ZNF124: variants seen among roughly 807,000 people sequenced by gnomAD.
ZNF124 encodes zinc finger protein 124, also known as zinc finger protein HZF-16.
A neutral mutation model predicts 26.6 loss-of-function variants in ZNF124; 25 were observed. That is an observed-to-expected ratio of 0.94 (90% confidence interval 0.68 to 1.31). ZNF124 has a LOEUF of 1.31. Ranked by LOEUF, ZNF124 falls within the 40% of genes most tolerant of loss-of-function variation. The pLI, the probability that ZNF124 is intolerant of heterozygous loss-of-function variation, is 0.00. For missense variants in ZNF124, 444 were observed against 422.2 expected, an observed-to-expected ratio of 1.05 and a Z score of -0.45; for synonymous variants, 129 against 133.3, an observed-to-expected ratio of 0.97 and a Z score of 0.22.
Position 247,156,115 on chromosome 1 carries a change from A to C in ZNF124, c.*451T>G, listed in dbSNP as rs1022433371. ...CACATGACCTTTAAAGTAATTGTTA[A>C]AATTCAGAATTTTCTGTATTTCTAG... On this transcript the variant is annotated 3_prime_UTR_variant, in exon 4 of 4. Coordinates refer to ENST00000543802, the MANE Select transcript of ZNF124 (RefSeq NM_001297568.2). The C allele has an allele frequency of 2.2e-5, 22 of 985,516 alleles. No homozygotes were observed. Among genetic ancestry groups the C allele is most frequent in the Middle Eastern group, 1.0e-3 (2 of 1,940 alleles). 61.0% of individuals were successfully genotyped at this position (985,516 alleles called of 1,614,324 possible).
chr1:247,148,226 G>C (rs1330545139), intron 3 of ZNF124, among the ~76,000 whole-genome samples: 1 of 152,150 alleles, frequency 6.6e-6, no homozygotes, highest in African/African-American at 2.4e-5. Flanking sequence ...GTTGGCGAGT[G>C]GAGGGATCTT....
intron 1 of ZNF124, among the ~76,000 whole-genome samples, chr1:247,163,711 G>A (rs957392683): frequency 1.5e-4 from 23 of 152,110 alleles, no homozygotes; most frequent in Admixed American, 1.2e-3. Context: ...GATGTATTAA[G>A]AAGAGCTGGT....
intron 3 of ZNF124, among the ~76,000 whole-genome samples, chr1:247,147,250 G>A (rs1417455813): frequency 3.5e-5 from 5 of 141,806 alleles, no homozygotes; most frequent in East Asian, 2.0e-4. Context: ...TTTTTGAGTC[G>A]GGGTCTTGCT....
downstream of ZNF124, among the ~76,000 whole-genome samples, chr1:247,152,054 C>CAAT (rs1672962448): frequency 7.0e-6 from 1 of 142,894 alleles, no homozygotes; most frequent in Non-Finnish European, 1.5e-5. Flanking sequence ...CCACCCCCCG[C>CAAT]TTTTTTTTTT....
downstream of ZNF124, among the ~76,000 whole-genome samples, chr1:247,154,062 T>C (rs1673020828): frequency 6.6e-6 from 1 of 152,156 alleles, no homozygotes; most frequent in East Asian, 1.9e-4. Flanking sequence ...CAGGCAACTG[T>C]CTGAGATACC....
downstream of ZNF124, among the ~76,000 whole-genome samples, chr1:247,152,046 ACCC>A (rs1379545438): frequency 3.0e-5 from 4 of 132,230 alleles, no homozygotes; most frequent in Non-Finnish European, 4.8e-5. Flanking sequence ...AATGTTCCCC[ACCC>A]CCCGCTTTTT....
chr1:247,148,556 T>C (rs57793630), intron 3 of ZNF124, among the ~76,000 whole-genome samples: 19,949 of 152,244 alleles, frequency 0.13, 1,861 homozygotes, highest in African/African-American at 0.25. Context: ...TCCATATCTG[T>C]ATCTGTTCCC....
chr1:247,126,427 G>A (rs867676633), intron 3 of ZNF124, among the ~76,000 whole-genome samples: 333 of 32,340 alleles, frequency 0.01, 8 homozygotes, highest in African/African-American at 0.044. Flanking sequence ...GGTGTGCCCG[G>A]CCTTTGTCTC....
intron 3 of ZNF124, among the ~76,000 whole-genome samples, chr1:247,128,259 C>A (rs1223324932): frequency 6.6e-6 from 1 of 151,270 alleles, no homozygotes; most frequent in African/African-American, 2.4e-5. Context: ...ATAAAAAATT[C>A]TTTGTACCTC....
intron 1 of ZNF124, among the ~76,000 whole-genome samples, chr1:247,162,072 G>T (rs969717288): frequency 6.6e-6 from 1 of 152,110 alleles, no homozygotes; most frequent in Non-Finnish European, 1.5e-5. Context: ...ACTACTAAGA[G>T]AATTTGTTCC....
intron 3 of ZNF124, among the ~76,000 whole-genome samples, chr1:247,131,355 C>G (rs149262499): frequency 6.6e-6 from 1 of 152,212 alleles, no homozygotes; most frequent in Non-Finnish European, 1.5e-5. Context: ...CGAGGCCTGC[C>G]GTCCCAACCC....
intron 3 of ZNF124, among the ~76,000 whole-genome samples, chr1:247,132,606 A>C (rs935469257): frequency 1.3e-5 from 2 of 152,220 alleles, no homozygotes; most frequent in Non-Finnish European, 2.9e-5. Flanking sequence ...TTTCTGCCTC[A>C]AAAGAAAGAG....
At chr1:247,158,642 T>C (rs970523028) in intron 3 of ZNF124, among the ~76,000 whole-genome samples, 25 of 152,002 alleles carry the variant, frequency 1.6e-4, no homozygotes, top group South Asian at 8.3e-4. Context: ...TTTTTTTTTT[T>C]CCCCGAGATG....
intron 3 of ZNF124, chr1:247,157,644 A>G (rs956771049): frequency 1.9e-5 from 11 of 570,022 alleles, no homozygotes; most frequent in Admixed American, 3.1e-5. Context: ...CACTGCTACC[A>G]ATATCAGAGA....
chr1:247,125,677 C>CTT (rs370886282), intron 3 of ZNF124, among the ~76,000 whole-genome samples: 6 of 74,840 alleles, frequency 8.0e-5, no homozygotes, highest in South Asian at 4.3e-4. Context: ...TGATCGGCGC[C>CTT]GGCGCCGATT....
At chr1:247,123,117 A>G (rs1672118149) in exon 4 of ZNF124, 1 of 143,324 alleles carries the variant, frequency 7.0e-6, no homozygotes, top group Admixed American at 6.7e-5. Context: ...CTTGTATCTC[A>G]TAAGATCACT....
At chr1:247,123,968 A>G in intron 3 of ZNF124, 1 of 695,710 alleles carries the variant, frequency 1.4e-6, no homozygotes, top group South Asian at 1.5e-5. Flanking sequence ...AGCTGGGACT[A>G]CAGGCACCCG....
intron 3 of ZNF124, among the ~76,000 whole-genome samples, chr1:247,131,522 G>A (rs532846897): frequency 6.6e-6 from 1 of 152,316 alleles, no homozygotes; most frequent in African/African-American, 2.4e-5. Context: ...GACTCCAACT[G>A]CCTAACGTGC....
intron 1 of ZNF124, among the ~76,000 whole-genome samples, chr1:247,164,577 A>G (rs1174450927): frequency 6.6e-6 from 1 of 151,718 alleles, no homozygotes; most frequent in East Asian, 1.9e-4. Flanking sequence ...ATGAGTTACA[A>G]GATGCTGCTG....
Sources: allele counts gnomAD v4.1 joint callset (sites outside exome capture counted in the v4.1 genomes callset), GRCh38; gene constraint gnomAD v4.1.1; transcripts MANE v1.5; gene names NCBI Gene and HGNC (gene_info 2026-07-23, HGNC 2026-07-21).